The following FOXN3 variants were observed in gnomAD, a reference collection of about 807,000 sequenced individuals.
The protein encoded by FOXN3 is forkhead box N3.
In FOXN3, 7 loss-of-function variants were observed where a neutral mutation model predicts 38.4. The ratio of observed to expected loss-of-function variants is 0.18; its 90% CI spans 0.10 to 0.34. FOXN3 has a LOEUF of 0.34. Among genes scored for constraint, FOXN3 ranks in the 10% least tolerant of loss-of-function variants. The pLI is 1.00. For synonymous variants in FOXN3, 230 were observed against 242.2 expected (o/e 0.95, Z 0.47); for missense variants, 456 against 613.4 (o/e 0.74, Z 2.71).
At chr14:89,342,316 T>G (rs994033653) in intron 3 of FOXN3, among the ~76,000 whole-genome samples, 1 of 152,180 alleles carries the variant, frequency 6.6e-6, no homozygotes, top group Non-Finnish European at 1.5e-5. Context: ...GAGCTACCCC[T>G]GATACAAAGT....
chr14:89,386,939 A>G (rs1457877888), intron 2 of FOXN3, among the ~76,000 whole-genome samples: 3 of 152,150 alleles, frequency 2.0e-5, no homozygotes, highest in Non-Finnish European at 2.9e-5. Context: ...TTAGCTCCAC[A>G]TTGAGGGTTT....
chr14:89,324,443 C>CGTGTGTGTGTGTGTGT (rs71130053), intron 3 of FOXN3, among the ~76,000 whole-genome samples: 1 of 143,384 alleles, frequency 7.0e-6, no homozygotes, highest in African/African-American at 2.6e-5. Context: ...TAAGTGTGTG[C>CGTGTGTGTGTGTGTGT]GTGTGTGTGT....
At chr14:89,542,553 A>T (rs428839) in intron 1 of FOXN3, among the ~76,000 whole-genome samples, 1 of 152,084 alleles carries the variant, frequency 6.6e-6, no homozygotes, top group Non-Finnish European at 1.5e-5. Flanking sequence ...TTGCTTTTGT[A>T]GAACAGCTCG....
intron 3 of FOXN3, chr14:89,349,804 G>A (rs976614790): frequency 6.6e-6 from 1 of 152,196 alleles, no homozygotes; most frequent in East Asian, 1.9e-4. Context: ...CTGCAAAGAA[G>A]TGGACTGTAA....
chr14:89,244,327 C>T (rs1885226546), intron 4 of FOXN3, among the ~76,000 whole-genome samples: 3 of 152,160 alleles, frequency 2.0e-5, no homozygotes, highest in Non-Finnish European at 4.4e-5. Flanking sequence ...AATATTTCCC[C>T]GTCTAAGCCA....
chr14:89,398,898 C>T (rs1442127326), intron 2 of FOXN3, among the ~76,000 whole-genome samples: 3 of 152,194 alleles, frequency 2.0e-5, no homozygotes, highest in Admixed American at 6.5e-5. Context: ...GCAGGAGAAT[C>T]GCTTGAACCC....
At chr14:89,497,175 A>G (rs1350679243) in intron 1 of FOXN3, among the ~76,000 whole-genome samples, 1 of 151,968 alleles carries the variant, frequency 6.6e-6, no homozygotes, top group East Asian at 1.9e-4. Context: ...AGGCTGGTCT[A>G]GAGCTCCTGA....
At chr14:89,334,553 T>C (rs529966887) in intron 3 of FOXN3, among the ~76,000 whole-genome samples, 17 of 147,972 alleles carry the variant, frequency 1.1e-4, no homozygotes, top group African/African-American at 3.9e-4. Flanking sequence ...GAGATTGCAG[T>C]GAGCCAAGAT....
At chr14:89,553,684 G>A (rs890581161) in intron 1 of FOXN3, among the ~76,000 whole-genome samples, 2 of 152,094 alleles carry the variant, frequency 1.3e-5, no homozygotes, top group Admixed American at 1.3e-4. Flanking sequence ...CGCTCATCCG[G>A]AAGTCAGGGA....
At chr14:89,335,075 TATCACACACACACACACACACACA>T in intron 3 of FOXN3, among the ~76,000 whole-genome samples, 1 of 136,266 alleles carries the variant, frequency 7.3e-6, no homozygotes, top group South Asian at 2.2e-4. Flanking sequence ...ACTATTTTCA[TATCACACACACACACACACACACA>T]CACACACACA....
At chr14:89,384,652 A>C (rs141131630) in intron 2 of FOXN3, among the ~76,000 whole-genome samples, 3 of 152,164 alleles carry the variant, frequency 2.0e-5, no homozygotes, top group African/African-American at 7.2e-5. Context: ...TAGTTGTAAA[A>C]ATATATATAT....
Position 89,582,723 on chromosome 14 carries a change from C to T in FOXN3, c.-15+36305G>A, listed in dbSNP as rs146803251. ...TATATATACACCTGTGAAACCATCA[C>T]CATGATCATCATCTCCAAAAGTTCC... is the stretch of plus-strand genomic sequence containing the variant. On this transcript the variant is annotated intron_variant, in intron 1 of 6. Transcript: ENST00000345097. Among the ~76,000 whole-genome samples, 356 of 152,246 alleles carry T rather than the reference C, an allele frequency of 2.3e-3. 3 individuals carry two copies. The highest frequency in any genetic ancestry group is 8.2e-3 in the African/African-American group (340 of 41,540).
At position 89,484,024 on chromosome 14, in the gene FOXN3, C is replaced by T. The variant is rs1222340171; in HGVS notation, c.-14-71534G>A. Among the ~76,000 whole-genome samples the T allele has an allele frequency of 1.3e-5, 2 of 152,078 alleles. No individual in the cohort carries two copies. The highest frequency in any genetic ancestry group is 2.4e-5 in the African/African-American group (1 of 41,404). ...ATTTATTCCAACATTTAGGTTAATC[C>T]AAGAAGTCTGGATGCTTCATCTTAC... On this transcript the variant is annotated intron_variant, in intron 1 of 6. Transcript: ENST00000345097. This position sits in a 1 kb window ranked among gnomAD's most constrained non-coding sequence, Gnocchi z 4.0.
chr14:89,600,953 A>G (rs939705802), intron 1 of FOXN3, among the ~76,000 whole-genome samples: 1 of 152,220 alleles, frequency 6.6e-6, no homozygotes, highest in Non-Finnish European at 1.5e-5. Flanking sequence ...CAGAAATTCT[A>G]TGCCTTATTC....
chr14:89,549,662 C>A (rs551653008), intron 1 of FOXN3, among the ~76,000 whole-genome samples: 39 of 152,326 alleles, frequency 2.6e-4, no homozygotes, highest in African/African-American at 9.1e-4. Context: ...AAAGAGACTT[C>A]AACGTTTCCA....
At chr14:89,416,692 G>C (rs985762234) in intron 1 of FOXN3, among the ~76,000 whole-genome samples, 179 bp downstream of exon 1, 1 of 152,120 alleles carries the variant, frequency 6.6e-6, no homozygotes, top group African/African-American at 2.4e-5. Flanking sequence ...CTTCGGACCC[G>C]GCAACTTCCC....
Position 89,451,797 on chromosome 14 carries a change from T to C in FOXN3, c.-14-39307A>G, listed in dbSNP as rs1892617809. The stretch of plus-strand genomic sequence containing the variant: ...GTATATATACTATATGGTTTCCATT[T>C]TAAAAGCTTTTAGAAGATACCAAGT... On this transcript the variant is annotated intron_variant, in intron 1 of 6. Coordinates refer to the FOXN3 transcript ENST00000345097. Among the ~76,000 whole-genome samples the C allele has an allele frequency of 2.6e-5, 4 of 152,326 alleles. No individual in the cohort carries two copies. In the South Asian group the frequency reaches 8.3e-4, roughly 32 times the overall value.
At chr14:89,543,985 T>G (rs116868960) in intron 1 of FOXN3, among the ~76,000 whole-genome samples, 33 of 152,306 alleles carry the variant, frequency 2.2e-4, no homozygotes, top group Middle Eastern at 3.4e-3. Flanking sequence ...TGGATTCTGG[T>G]GTCAAATGCA....
intron 3 of FOXN3, among the ~76,000 whole-genome samples, chr14:89,288,218 G>C (rs981906531): frequency 6.6e-6 from 1 of 152,064 alleles, no homozygotes; most frequent in African/African-American, 2.4e-5. Flanking sequence ...GAAGTGATCA[G>C]ACCACAACCA....
Sources: allele counts gnomAD v4.1 joint callset (sites outside exome capture counted in the v4.1 genomes callset), GRCh38; gene constraint gnomAD v4.1.1; non-coding constraint Gnocchi (gnomAD v3.1); transcripts MANE v1.5; gene names NCBI Gene and HGNC (gene_info 2026-07-23, HGNC 2026-07-21).